TACC2: variants seen among roughly 807,000 people sequenced by gnomAD.
TACC2 encodes transforming acidic coiled-coil-containing protein 2.
TACC2 carries 137 observed loss-of-function variants against 227.3 expected under a neutral mutation model. The ratio of observed to expected loss-of-function variants is 0.60; its 90% confidence interval spans 0.52 to 0.69. The LOEUF is 0.69. Ranked by LOEUF, TACC2 falls within the 30% of genes least tolerant of loss-of-function variation. The pLI is 0.00. For synonymous variants in TACC2, 1,523 were observed against 1,487.5 expected (o/e 1.02, Z -0.55); for missense variants, 3,470 against 3,694.4 (o/e 0.94, Z 1.57).
At chr10:122,009,654 A>G (rs1025854947) in intron 1 of TACC2, among the ~76,000 whole-genome samples, 3 of 152,190 alleles carry the variant, frequency 2.0e-5, no homozygotes, top group African/African-American at 7.2e-5. Flanking sequence ...TTGGCCAGGC[A>G]CGGTGGCTCA....
At chr10:122,002,721 T>A (rs2135118375) in intron 1 of TACC2, among the ~76,000 whole-genome samples, 1 of 152,324 alleles carries the variant, frequency 6.6e-6, no homozygotes, top group East Asian at 1.9e-4. Context: ...AATCCTCATT[T>A]CACTAGGATA....
intron 7 of TACC2, among the ~76,000 whole-genome samples, chr10:122,171,023 G>GTAGATTAGGGGCTGTGAGCAA (rs2093445328): frequency 2.0e-5 from 3 of 150,558 alleles, no homozygotes; most frequent in Non-Finnish European, 3.0e-5. Flanking sequence ...GCTGTGAGCA[G>GTAGATTAGGGGCTGTGAGCAA]TAGATTAGGG....
chr10:122,211,065 G>C lies in TACC2; in HGVS notation c.6640G>C (p.Val2214Leu). 1 of 1,612,594 alleles carries C rather than the reference G, an allele frequency of 6.2e-7. No homozygotes were observed. Among genetic ancestry groups the C allele is most frequent in the African/African-American group, 1.3e-5 (1 of 74,972 alleles). ...GGACTCAGAGAGTGCAGAAGGGGTT[G>C]TCCCCCCGGCTTCTGGAGGTGGCAG... ...PLDSESAEGV[V>L]PPASGGGRVQ... is the part of the protein sequence containing the mutation. The change falls in exon 9 of 23, where the codon GTC (valine) becomes CTC (leucine). Residue 2214 changes from valine to leucine, a missense_variant. By Grantham distance (32) the Val-to-Leu change is conservative (BLOSUM62 1). Coordinates refer to ENST00000369005, the MANE Select transcript of TACC2 (RefSeq NM_206862.4).
chr10:122,039,506 G>A (rs1370222902), intron 2 of TACC2, among the ~76,000 whole-genome samples: 1 of 152,060 alleles, frequency 6.6e-6, no homozygotes, highest in Non-Finnish European at 1.5e-5. Flanking sequence ...GGTCAGATGA[G>A]GCAGCAGGGT....
Position 122,158,214 on chromosome 10 carries a change from C to T in TACC2, c.5834+14508C>T, listed in dbSNP as rs1393863669. 3.3e-5 allele frequency among the ~76,000 whole-genome samples: 5 copies of T among 152,048 alleles called. No homozygotes were observed. In the East Asian group the frequency reaches 9.7e-4, roughly 30 times the overall value. The stretch of plus-strand genomic sequence containing the variant: ...ACCAGCCTGGGCAGCATGGTGAAAC[C>T]CCATCTCTACTAAAAAATACAAAAA... On this transcript the variant is annotated intron_variant, in intron 7 of 22. Coordinates refer to ENST00000369005, the MANE Select transcript of TACC2 (RefSeq NM_206862.4).
rs1037615068 is a variant in TACC2, at chr10:122,085,151, A to G, written c.2651A>G (p.Asp884Gly). 2 of 1,614,062 alleles carry G rather than the reference A, an allele frequency of 1.2e-6. No homozygotes were observed. The highest frequency in any genetic ancestry group is 1.7e-6 in the Non-Finnish European group (2 of 1,180,032). ...CATGTACCTGTGGAACCTCAGGAAG[A>G]TAACAACTTGCCCACTCATGGAGGA... ...QIHVPVEPQE[D>G]NNLPTHGGQE... Residue 884 changes from aspartate (D) to glycine (G), a missense_variant, in exon 4 of 23, where the codon GAT becomes GGT. Coordinates refer to ENST00000369005, the MANE Select transcript of TACC2 (RefSeq NM_206862.4).
At chr10:122,212,905 G>A (rs1377602941) in intron 9 of TACC2, among the ~76,000 whole-genome samples, 1 of 152,126 alleles carries the variant, frequency 6.6e-6, no homozygotes, top group Non-Finnish European at 1.5e-5. Context: ...TGGAATAGGA[G>A]AAGTCTGCAA....
rs369002161 is a variant in TACC2 at position 122,237,969 on chromosome 10, C to A, written c.8280C>A (p.Thr2760=). 1.2e-6 allele frequency: 2 copies of A among 1,613,466 alleles called. No homozygotes were observed. The highest frequency in any genetic ancestry group is 1.7e-6 in the Non-Finnish European group (2 of 1,179,588). ...ALQIARAEII[T]KEREVSEWKD... is the part of the protein sequence containing the mutation. ...CTTCTCTCTGAAACTAGATCATAAC[C>A]AAGGAGAGAGAGGTCTCAGAATGGA... is the stretch of plus-strand genomic sequence containing the variant. The change falls in exon 18 of 23, where the codon ACC becomes ACA. Residue 2760 remains threonine (T), a synonymous_variant. Transcript: ENST00000369005.
At chr10:122,160,984 C>G (rs955131473) in intron 7 of TACC2, among the ~76,000 whole-genome samples, 2 of 152,004 alleles carry the variant, frequency 1.3e-5, no homozygotes, top group African/African-American at 4.8e-5. Context: ...GCTCTGTCAC[C>G]CAGGCTGGAG....
Position 122,143,654 on chromosome 10 carries a change from A to G in TACC2, c.5782A>G (p.Arg1928Gly). 1 of 1,614,184 alleles carries G rather than the reference A, an allele frequency of 6.2e-7. No homozygotes were observed. Among genetic ancestry groups the G allele is most frequent in the Non-Finnish European group, 8.5e-7 (1 of 1,180,022 alleles). Reference protein sequence around the residue: ...IVSPSAPAGDRVEASTPSCPD... With the variant: ...IVSPSAPAGDGVEASTPSCPD... The stretch of plus-strand genomic sequence containing the variant: ...TTCGCCATCTGCCCCAGCTGGTGAC[A>G]GAGTAGAAGCTTCCACTCCCTCCTG... Residue 1928 changes from arginine to glycine, a missense_variant, in exon 7 of 23, where the codon AGA becomes GGA. By Grantham distance (125) the Arg-to-Gly change is moderately radical (BLOSUM62 -2). Transcript: ENST00000369005.
chr10:122,033,016 C>A (rs1959170683), intron 2 of TACC2: 1 of 874,450 alleles, frequency 1.1e-6, no homozygotes, highest in Non-Finnish European at 1.6e-6. Flanking sequence ...AAAAAAACCC[C>A]ACAAAAACAC....
chr10:122,028,158 C>T (rs1045880179), intron 2 of TACC2, among the ~76,000 whole-genome samples: 8 of 125,128 alleles, frequency 6.4e-5, no homozygotes, highest in African/African-American at 2.3e-4. Context: ...TGTGATATCT[C>T]AGCTCACTGC....
chr10:122,118,236 A>G (rs145078682), intron 5 of TACC2, among the ~76,000 whole-genome samples: 2,537 of 152,086 alleles, frequency 0.017, 74 homozygotes, highest in African/African-American at 0.057. Flanking sequence ...GCTGGTCTTG[A>G]ACTCCTGACC....
At chr10:122,005,787 G>A (rs774615485) in intron 1 of TACC2, among the ~76,000 whole-genome samples, 19 of 149,532 alleles carry the variant, frequency 1.3e-4, no homozygotes, top group Non-Finnish European at 1.9e-4. Context: ...TCCACTCCCC[G>A]GGTTCAAGCA....
chr10:122,152,798 A>G (rs2092175788), intron 7 of TACC2, among the ~76,000 whole-genome samples: 1 of 152,136 alleles, frequency 6.6e-6, no homozygotes, highest in African/African-American at 2.4e-5. Context: ...GGCAGGACTC[A>G]GGGTGGGAAC....
chr10:122,244,995 C>T (rs1326031712), intron 19 of TACC2: 1 of 152,242 alleles, frequency 6.6e-6, no homozygotes, highest in African/African-American at 2.4e-5. Flanking sequence ...GCTTTTCTAA[C>T]AACTGCCCTG....
chr10:122,113,218 C>G (rs2083960895), intron 5 of TACC2: 1 of 152,278 alleles, frequency 6.6e-6, no homozygotes, highest in Non-Finnish European at 1.5e-5. Context: ...GGGCCATCCC[C>G]TATCTCCCCG....
chr10:122,211,289 G>C lies in TACC2; in HGVS notation c.6864G>C (p.Lys2288Asn). The part of the protein sequence containing the change: ...NQQENPPPTK[K>N]IGKKPVAKMP... ...AGGAAAACCCCCCTCCTACCAAAAAGATAGGCAAAAAGCCAGTTGCCAAAA... is the reference window on the plus strand; with the variant it reads ...AGGAAAACCCCCCTCCTACCAAAAACATAGGCAAAAAGCCAGTTGCCAAAA... Residue 2288 changes from lysine (K) to asparagine (N), a missense_variant, in exon 9 of 23, where the codon AAG becomes AAC. Around this residue, in one of 10 missense-constraint regions of TACC2, gnomAD observed 593 missense variants for 636.6 expected, o/e 0.93. Coordinates refer to ENST00000369005, the MANE Select transcript of TACC2 (RefSeq NM_206862.4). 6.2e-6 allele frequency: 10 copies of C among 1,614,040 alleles called. No homozygotes were observed. Among genetic ancestry groups the C allele is most frequent in the Non-Finnish European group, 8.5e-6 (10 of 1,179,996 alleles).
At chr10:122,032,776 TG>T (rs1959142327) in intron 2 of TACC2, among the ~76,000 whole-genome samples, 1 of 152,060 alleles carries the variant, frequency 6.6e-6, no homozygotes, top group African/African-American at 2.4e-5. Context: ...CTGGCCAACA[TG>T]GTGAAACCCC....
Sources: allele counts gnomAD v4.1 joint callset (sites outside exome capture counted in the v4.1 genomes callset), GRCh38; gene constraint gnomAD v4.1.1; regional missense constraint gnomAD v4.1.1; transcripts MANE v1.5; gene names NCBI Gene and HGNC (gene_info 2026-07-23, HGNC 2026-07-21).